The following TXNDC16 variants were observed in gnomAD, a reference collection of about 807,000 sequenced individuals.
The protein encoded by TXNDC16 is thioredoxin domain containing 16.
In TXNDC16, 74 loss-of-function variants were observed where a neutral mutation model predicts 85.6. That is an observed-to-expected ratio of 0.86 (90% CI 0.72 to 1.05). The LOEUF (loss-of-function observed/expected upper bound fraction) is 1.05. TXNDC16 is among the 50% of genes least tolerant of loss of function. The pLI is 0.00. For missense variants in TXNDC16, 959 were observed against 947.0 expected, an observed-to-expected ratio of 1.01 and a Z score of -0.17; for synonymous variants, 335 against 326.5, an observed-to-expected ratio of 1.03 and a Z score of -0.28.
At chr14:52,550,053 A>C (rs2038014519) in intron 1 of TXNDC16, among the ~76,000 whole-genome samples, 1 of 152,188 alleles carries the variant, frequency 6.6e-6, no homozygotes, top group South Asian at 2.1e-4. Context: ...AGAATAGCTG[A>C]CACCAAGCTT....
intron 20 of TXNDC16, among the ~76,000 whole-genome samples, chr14:52,433,672 T>G (rs2034959941): frequency 6.6e-6 from 1 of 152,196 alleles, no homozygotes; most frequent in Admixed American, 6.5e-5. Flanking sequence ...ATTTCTTCAC[T>G]CATACTCAAC....
At chr14:52,454,418 CTCTG>C (rs1341309627) in intron 18 of TXNDC16, among the ~76,000 whole-genome samples, 1 of 142,142 alleles carries the variant, frequency 7.0e-6, no homozygotes, top group African/African-American at 2.6e-5. Context: ...GGAAGTGAAA[CTCTG>C]TCTAAAAAAA....
intron 6 of TXNDC16, among the ~76,000 whole-genome samples, chr14:52,532,716 G>A (rs944636096): frequency 1.3e-5 from 2 of 151,966 alleles, no homozygotes; most frequent in Admixed American, 6.6e-5. Context: ...GATTACAGGC[G>A]TGAGCCACCG....
rs566442794 is a variant in TXNDC16, at chr14:52,497,629, C to T, written c.757-6624G>A. ...GAGCAGTGGCTCAAGCCTATAATCC[C>T]AGCACTTTGGGAGGCTGAGGCGGGC... On this transcript the variant is annotated intron_variant, in intron 9 of 20. Transcript: ENST00000281741. Among the ~76,000 whole-genome samples the T allele has an allele frequency of 2.4e-3, 373 of 152,304 alleles. 3 individuals are homozygous for T. The highest frequency in any genetic ancestry group is 8.3e-3 in the African/African-American group (347 of 41,584).
chr14:52,480,781 A>G (rs1363643531), intron 14 of TXNDC16, among the ~76,000 whole-genome samples: 2 of 151,964 alleles, frequency 1.3e-5, no homozygotes, highest in Non-Finnish European at 2.9e-5. Flanking sequence ...TTAAAGAACT[A>G]AAAGGAACTT....
rs1261721898 is a variant in TXNDC16 at position 52,431,052 on chromosome 14, T to C, written c.*1252A>G. 6.6e-6 allele frequency: 1 copy of C among 152,156 alleles called. No homozygotes were observed. Among genetic ancestry groups the C allele is most frequent in the Non-Finnish European group, 1.5e-5 (1 of 68,034 alleles). The allele number at this position is 152,156 out of a possible 1,614,324, so 9.4% of individuals were successfully genotyped here. ...ATACAGTAGAGCACCAAATAGAATATTCTCAACAAATGTCTCAAAAAATGC... is the reference window on the plus strand; with the variant it reads ...ATACAGTAGAGCACCAAATAGAATACTCTCAACAAATGTCTCAAAAAATGC... On this transcript the variant is annotated 3_prime_UTR_variant, in exon 21 of 21. Coordinates refer to ENST00000281741, the MANE Select transcript of TXNDC16 (RefSeq NM_020784.3).
At chr14:52,475,231 C>T (rs1056790665) in intron 14 of TXNDC16, among the ~76,000 whole-genome samples, 1 of 152,156 alleles carries the variant, frequency 6.6e-6, no homozygotes, top group African/African-American at 2.4e-5. Flanking sequence ...TTGAGGAGGG[C>T]TACCAGAGGC....
chr14:52,436,741 T>C (rs1273955703), intron 20 of TXNDC16, among the ~76,000 whole-genome samples: 1 of 152,086 alleles, frequency 6.6e-6, no homozygotes, highest in African/African-American at 2.4e-5. Flanking sequence ...CAAATATACA[T>C]AATGGTAGAT....
intron 14 of TXNDC16, among the ~76,000 whole-genome samples, chr14:52,475,025 C>T (rs1158304285): frequency 6.6e-6 from 1 of 152,090 alleles, no homozygotes; most frequent in Non-Finnish European, 1.5e-5. Flanking sequence ...GATCGTCCAC[C>T]CCTGAACACA....
intron 18 of TXNDC16, among the ~76,000 whole-genome samples, chr14:52,454,647 T>TACAAAAAAAAAAAAAAAAAAAA (rs2035489187): frequency 4.4e-5 from 1 of 22,630 alleles, no homozygotes; most frequent in Admixed American, 4.7e-4. Flanking sequence ...CTACTAAAAA[T>TACAAAAAAAAAAAAAAAAAAAA]ACAAAAAAAA....
At chr14:52,472,912 C>T (rs2035941419) in intron 14 of TXNDC16, among the ~76,000 whole-genome samples, 1 of 152,162 alleles carries the variant, frequency 6.6e-6, no homozygotes, top group Non-Finnish European at 1.5e-5. Flanking sequence ...CTAGACGTTT[C>T]CAAGATGGCC....
chr14:52,543,201 AG>A (rs1038648857), intron 3 of TXNDC16, among the ~76,000 whole-genome samples, 196 bp downstream of exon 3: 6 of 152,342 alleles, frequency 3.9e-5, no homozygotes, highest in Admixed American at 2.6e-4. Context: ...AGAAAAACAC[AG>A]AAAAGCTAAG....
At chr14:52,500,390 G>A (rs188989933) in intron 9 of TXNDC16, among the ~76,000 whole-genome samples, 198 of 152,288 alleles carry the variant, frequency 1.3e-3, no homozygotes, top group Admixed American at 3.1e-3. Context: ...TGTATATGTG[G>A]TATCTACAGT....
intron 6 of TXNDC16, among the ~76,000 whole-genome samples, chr14:52,523,788 C>T (rs2037265308): frequency 6.6e-6 from 1 of 151,816 alleles, no homozygotes; most frequent in Admixed American, 6.6e-5. Context: ...AATTTTATGA[C>T]CTTAAAATTT....
At chr14:52,481,861 G>A (rs939059083) in intron 14 of TXNDC16, among the ~76,000 whole-genome samples, 1 of 152,164 alleles carries the variant, frequency 6.6e-6, no homozygotes, top group African/African-American at 2.4e-5. Flanking sequence ...ATTAGACCAT[G>A]AGACTGGGTC....
At chr14:52,511,152 A>C in intron 9 of TXNDC16, 88 bp downstream of exon 9, 1 of 1,223,176 alleles carries the variant, frequency 8.2e-7, no homozygotes, top group Non-Finnish European at 1.1e-6. Flanking sequence ...ATCAAAACTT[A>C]ACAAATTTTA....
At chr14:52,550,056 C>T (rs540725393) in intron 1 of TXNDC16, among the ~76,000 whole-genome samples, 72 of 152,170 alleles carry the variant, frequency 4.7e-4, no homozygotes, top group Non-Finnish European at 9.0e-4. Context: ...ATAGCTGACA[C>T]CAAGCTTTTC....
At chr14:52,480,900 C>G (rs1192623405) in intron 14 of TXNDC16, among the ~76,000 whole-genome samples, 1 of 149,852 alleles carries the variant, frequency 6.7e-6, no homozygotes, top group African/African-American at 2.5e-5. Flanking sequence ...AAACATGGAA[C>G]CAACCCAAAT....
intron 20 of TXNDC16, among the ~76,000 whole-genome samples, chr14:52,433,872 A>G (rs2034964020): frequency 6.6e-6 from 1 of 152,222 alleles, no homozygotes; most frequent in Non-Finnish European, 1.5e-5. Flanking sequence ...AATGTATATT[A>G]AAGTATCTGT....
Sources: allele counts gnomAD v4.1 joint callset (sites outside exome capture counted in the v4.1 genomes callset), GRCh38; gene constraint gnomAD v4.1.1; transcripts MANE v1.5; gene names NCBI Gene and HGNC (gene_info 2026-07-23, HGNC 2026-07-21).